Variants in CDH12 observed in about 807,000 individuals in gnomAD.
CDH12 encodes cadherin-12.
A neutral mutation model predicts 74.1 loss-of-function variants in CDH12; 41 were observed. The observed-to-expected ratio is 0.55, with a 90% confidence interval of 0.43 to 0.72. CDH12 has a LOEUF of 0.72. CDH12 is among the 30% of genes least tolerant of loss of function. The pLI is 0.00. For missense variants in CDH12, 945 were observed against 977.2 expected, an observed-to-expected ratio of 0.97 and a Z score of 0.44; for synonymous variants, 399 against 355.0, an observed-to-expected ratio of 1.12 and a Z score of -1.39.
chr5:22,644,418 T>C (rs1739326320), intron 1 of CDH12, among the ~76,000 whole-genome samples: 1 of 152,076 alleles, frequency 6.6e-6, no homozygotes, highest in Non-Finnish European at 1.5e-5. Context: ...TACAACATTC[T>C]CTTAAGCCAA....
At chr5:22,592,615 G>A (rs1055896281) in intron 1 of CDH12, among the ~76,000 whole-genome samples, 31 of 151,334 alleles carry the variant, frequency 2.0e-4, no homozygotes, top group African/African-American at 5.1e-4. Context: ...CTTTAGTATC[G>A]CCAGGTTTAA....
At chr5:22,558,361 T>C (rs1212860330) in intron 1 of CDH12, among the ~76,000 whole-genome samples, 1 of 152,086 alleles carries the variant, frequency 6.6e-6, no homozygotes, top group African/African-American at 2.4e-5. Flanking sequence ...AAGAGGTTGT[T>C]GGGTGGTTTG....
At chr5:22,196,599 C>T (rs1750632634) in intron 4 of CDH12, among the ~76,000 whole-genome samples, 1 of 152,176 alleles carries the variant, frequency 6.6e-6, no homozygotes, top group Non-Finnish European at 1.5e-5. Context: ...AGGCTTTACA[C>T]AGCTTCAAAA....
At chr5:22,657,730 G>A (rs558474202) in intron 1 of CDH12, among the ~76,000 whole-genome samples, 1 of 152,188 alleles carries the variant, frequency 6.6e-6, no homozygotes, top group Admixed American at 6.5e-5. Flanking sequence ...AAACTCACGT[G>A]CTTTCAAAAT....
At chr5:22,557,794 A>C (rs1738866410) in intron 1 of CDH12, among the ~76,000 whole-genome samples, 1 of 152,134 alleles carries the variant, frequency 6.6e-6, no homozygotes, top group Non-Finnish European at 1.5e-5. Flanking sequence ...TAGCTGACTA[A>C]TCTAATTAGT....
At chr5:22,540,273 A>T (rs555498423) in intron 1 of CDH12, among the ~76,000 whole-genome samples, 64 of 152,180 alleles carry the variant, frequency 4.2e-4, no homozygotes, top group Admixed American at 1.6e-3. Context: ...TTGATTCTAT[A>T]TCATTTCATT....
intron 7 of CDH12, among the ~76,000 whole-genome samples, chr5:21,845,555 CTTT>C (rs11437870): frequency 3.7e-5 from 5 of 133,770 alleles, no homozygotes; most frequent in Non-Finnish European, 6.4e-5. Flanking sequence ...CCACTTTAGT[CTTT>C]TTTTTTTTTT....
At chr5:22,028,998 A>G (rs1464345747) in intron 5 of CDH12, among the ~76,000 whole-genome samples, 1 of 152,176 alleles carries the variant, frequency 6.6e-6, no homozygotes, top group African/African-American at 2.4e-5. Flanking sequence ...CCTGAGAAAA[A>G]CAAGCAATGG....
intron 6 of CDH12, among the ~76,000 whole-genome samples, chr5:21,942,345 TATACACAC>T (rs1261850310): frequency 6.4e-4 from 63 of 99,080 alleles, no homozygotes; most frequent in Middle Eastern, 4.4e-3. Flanking sequence ...TATATATATA[TATACACAC>T]ACACACACAC....
intron 3 of CDH12, among the ~76,000 whole-genome samples, chr5:22,334,525 T>C (rs1411420143): frequency 6.6e-6 from 1 of 151,974 alleles, no homozygotes; most frequent in African/African-American, 2.4e-5. Context: ...TATAGGGAAA[T>C]ACAAAAGACC....
intron 1 of CDH12, among the ~76,000 whole-genome samples, chr5:22,564,067 C>A (rs1739182673): frequency 6.6e-6 from 1 of 152,084 alleles, no homozygotes; most frequent in East Asian, 1.9e-4. Context: ...AAAACTACAA[C>A]CAATTCCGTT....
intron 1 of CDH12, among the ~76,000 whole-genome samples, chr5:22,838,701 G>A (rs1044521376): frequency 2.7e-5 from 4 of 147,978 alleles, no homozygotes; most frequent in Non-Finnish European, 6.0e-5. Flanking sequence ...TTTGAGATGA[G>A]GTCTCACTCT....
intron 2 of CDH12, among the ~76,000 whole-genome samples, chr5:22,413,560 C>T (rs901950128): frequency 2.0e-5 from 3 of 151,880 alleles, no homozygotes; most frequent in African/African-American, 7.2e-5. Flanking sequence ...AGTGAATAAA[C>T]GGGCAGTGAG....
intron 4 of CDH12, among the ~76,000 whole-genome samples, chr5:22,108,599 G>A (rs904428939): frequency 1.3e-5 from 2 of 152,278 alleles, no homozygotes; most frequent in Admixed American, 6.5e-5. Flanking sequence ...CATGACCTGA[G>A]GTATATGATC....
intron 5 of CDH12, among the ~76,000 whole-genome samples, chr5:22,041,252 G>A (rs1266120178): frequency 6.6e-6 from 1 of 151,888 alleles, no homozygotes; most frequent in African/African-American, 2.4e-5. Flanking sequence ...ATAAACAAGA[G>A]CGGGGAAAAA....
chr5:22,541,486 T>A (rs1738098710), intron 1 of CDH12, among the ~76,000 whole-genome samples: 1 of 152,182 alleles, frequency 6.6e-6, no homozygotes, highest in Admixed American at 6.5e-5. Flanking sequence ...AAAAGATTTG[T>A]CCCACAATTG....
At chr5:22,144,858 C>T (rs542454430) in intron 4 of CDH12, among the ~76,000 whole-genome samples, 59 of 152,036 alleles carry the variant, frequency 3.9e-4, no homozygotes, top group South Asian at 1.2e-3. Context: ...ACATAAAATA[C>T]GCATGTTGTA....
chr5:22,166,019 T>C (rs1561181718), intron 4 of CDH12, among the ~76,000 whole-genome samples: 2 of 152,174 alleles, frequency 1.3e-5, no homozygotes, highest in African/African-American at 4.8e-5. Context: ...GAGAAGCCAT[T>C]CTTTTATTCC....
chr5:22,393,341 A>G (rs1742326100), intron 3 of CDH12, among the ~76,000 whole-genome samples: 1 of 152,170 alleles, frequency 6.6e-6, no homozygotes, highest in Non-Finnish European at 1.5e-5. Flanking sequence ...GGCAAGGTAC[A>G]GAATCTCTAC....
Sources: allele counts gnomAD v4.1 joint callset (sites outside exome capture counted in the v4.1 genomes callset), GRCh38; gene constraint gnomAD v4.1.1; transcripts MANE v1.5; gene names NCBI Gene and HGNC (gene_info 2026-07-23, HGNC 2026-07-21).